The following DOCK1 variants were observed in gnomAD, a reference collection of about 807,000 sequenced individuals.
DOCK1 encodes dedicator of cytokinesis protein 1.
A neutral mutation model predicts 262.7 loss-of-function variants in DOCK1; 138 were observed. That is an observed-to-expected ratio of 0.53 (90% CI 0.46 to 0.61). DOCK1 has a LOEUF of 0.61. Among genes scored for constraint, DOCK1 ranks in the 20% least tolerant of loss-of-function variants. The pLI is 0.00. For synonymous variants in DOCK1, 866 were observed against 867.4 expected (o/e 1.00, Z 0.03); for missense variants, 1,908 against 2,370.7 (o/e 0.80, Z 4.05).
At chr10:127,154,988 T>C (rs1278125042) in intron 27 of DOCK1, among the ~76,000 whole-genome samples, 1 of 152,188 alleles carries the variant, frequency 6.6e-6, no homozygotes, top group Non-Finnish European at 1.5e-5. Flanking sequence ...TGCAGATGTG[T>C]ATTTTCTGGA....
At chr10:127,364,868 CTCTT>C (rs2064812933) in intron 33 of DOCK1, among the ~76,000 whole-genome samples, 1 of 151,796 alleles carries the variant, frequency 6.6e-6, no homozygotes, top group Non-Finnish European at 1.5e-5. Context: ...CCCGTTCTCT[CTCTT>C]TTTTTCCATG....
chr10:127,194,836 C>T (rs1248908246), intron 27 of DOCK1, among the ~76,000 whole-genome samples: 2 of 152,224 alleles, frequency 1.3e-5, no homozygotes, highest in African/African-American at 4.8e-5. Context: ...CATTCCCACT[C>T]TTGCAGTTTC....
chr10:127,063,105 A>G (rs567485373), intron 23 of DOCK1, among the ~76,000 whole-genome samples: 14 of 152,302 alleles, frequency 9.2e-5, no homozygotes, highest in African/African-American at 1.7e-4. Context: ...ACAACTTGCA[A>G]TTTGCTGCCT....
At position 127,418,428 on chromosome 10, in the gene DOCK1, A is replaced by G; in HGVS notation, c.4579A>G (p.Ser1527Gly). ...GCAGCTGACGAACGACAAGATCAACAGCATGGTGCAGCAGCACCTGGATGA... is the reference window on the plus strand; with the variant it reads ...GCAGCTGACGAACGACAAGATCAACGGCATGGTGCAGCAGCACCTGGATGA... ...TMQLTNDKIN[S>G]MVQQHLDDPS... Residue 1527 changes from serine to glycine, a missense_variant, in exon 45 of 52, where the codon AGC (serine) becomes GGC (glycine). Ser to Gly is a moderately conservative substitution (Grantham distance 56). Transcript: ENST00000623213. The G allele has an allele frequency of 6.2e-7, 1 of 1,614,002 alleles. No homozygotes were observed. The highest frequency in any genetic ancestry group is 8.5e-7 in the Non-Finnish European group (1 of 1,179,966).
chr10:127,020,165 G>A (rs186886475), intron 13 of DOCK1, among the ~76,000 whole-genome samples: 129 of 152,322 alleles, frequency 8.5e-4, no homozygotes, highest in Admixed American at 1.6e-3. Flanking sequence ...GCTATTGCTT[G>A]TGTGTGTCCA....
intron 33 of DOCK1, among the ~76,000 whole-genome samples, chr10:127,369,643 A>G (rs1174997462): frequency 1.3e-5 from 2 of 152,232 alleles, no homozygotes; most frequent in Non-Finnish European, 2.9e-5. Flanking sequence ...ATGGCCTGCG[A>G]TGCAGCCATG....
At chr10:127,400,998 G>A (rs1307220200) in intron 38 of DOCK1, among the ~76,000 whole-genome samples, 1 of 152,090 alleles carries the variant, frequency 6.6e-6, no homozygotes, top group East Asian at 1.9e-4. Flanking sequence ...CTTCACTATC[G>A]TAGATGAGCC....
intron 31 of DOCK1, among the ~76,000 whole-genome samples, chr10:127,348,329 G>C (rs1457520324): frequency 6.6e-6 from 1 of 152,082 alleles, no homozygotes; most frequent in Admixed American, 6.6e-5. Context: ...TTATTGGGGT[G>C]CAGGAAATAT....
In DOCK1 at chr10:127,451,597, T is replaced by C; in HGVS notation, c.*170T>C. 1.4e-6 allele frequency: 2 copies of C among 1,449,888 alleles called. No individual in the cohort carries two copies. Among genetic ancestry groups the C allele is most frequent in the South Asian group, 1.4e-5 (1 of 72,660 alleles). The allele number at this position is 1,449,888 out of a possible 1,614,324, so 89.8% of individuals were successfully genotyped here. A position where few individuals can be genotyped will look rare whatever the true frequency, so the allele number is the denominator to read the frequency against. ...TTCTCACCATGGAGTGAGTGGCCTT[T>C]AGCGTCATGGAGCAAGGTGGGTCTG... On this transcript the variant is annotated 3_prime_UTR_variant, in exon 52 of 52. Transcript: ENST00000623213.
rs528285752 is a variant in DOCK1, at chr10:126,988,644, T to TA, written c.324+1028dup. Among the ~76,000 whole-genome samples, 25 of 152,328 alleles carry TA rather than the reference T, an allele frequency of 1.6e-4. No individual in the cohort carries two copies. In the South Asian group the frequency reaches 5.2e-3, roughly 32 times the overall value. ...AGTTGATGCTCATAGTCAGTGGACCTACTTAAGTCTGTAACCCTAGAGTAG... is the reference window on the plus strand; with the variant it reads ...AGTTGATGCTCATAGTCAGTGGACCTAACTTAAGTCTGTAACCCTAGAGTAG... On this transcript the variant is annotated intron_variant, in intron 5 of 51. Coordinates refer to ENST00000623213, the MANE Select transcript of DOCK1 (RefSeq NM_001290223.2).
chr10:126,935,756 C>A (rs2034519898), intron 1 of DOCK1, among the ~76,000 whole-genome samples: 1 of 152,234 alleles, frequency 6.6e-6, no homozygotes, highest in African/African-American at 2.4e-5. Flanking sequence ...TGAATACTGC[C>A]TTGGGATCGC....
At chr10:127,225,592 G>T (rs2058605220) in intron 27 of DOCK1, among the ~76,000 whole-genome samples, 1 of 152,194 alleles carries the variant, frequency 6.6e-6, no homozygotes, top group African/African-American at 2.4e-5. Context: ...CCAGACTGAA[G>T]GATTTCTAGC....
chr10:127,215,914 C>T (rs2058189186), intron 27 of DOCK1, among the ~76,000 whole-genome samples: 1 of 151,944 alleles, frequency 6.6e-6, no homozygotes, highest in African/African-American at 2.4e-5. Context: ...TACTAAGTAC[C>T]TTCAGCCAAA....
At chr10:126,931,250 G>T (rs1431325797) in intron 1 of DOCK1, among the ~76,000 whole-genome samples, 3 of 152,136 alleles carry the variant, frequency 2.0e-5, no homozygotes, top group Non-Finnish European at 4.4e-5. Context: ...AGAAGCCAGG[G>T]GGAGAAGTCC....
chr10:127,068,446 C>T (rs1444093540), intron 23 of DOCK1, among the ~76,000 whole-genome samples: 1 of 151,822 alleles, frequency 6.6e-6, no homozygotes, highest in Non-Finnish European at 1.5e-5. Flanking sequence ...ACCTCTCCTA[C>T]AGCAGCTCCT....
intron 28 of DOCK1, among the ~76,000 whole-genome samples, chr10:127,253,454 G>T (rs1590135844): frequency 6.6e-6 from 1 of 152,238 alleles, no homozygotes; most frequent in Admixed American, 6.5e-5. Context: ...CATCTACCTG[G>T]AGTTAGCATC....
chr10:127,252,276 C>G (rs1438702328), intron 28 of DOCK1, among the ~76,000 whole-genome samples: 36 of 149,490 alleles, frequency 2.4e-4, no homozygotes, highest in East Asian at 1.2e-3. Flanking sequence ...ATTGTAGATT[C>G]TGGATATTAG....
intron 1 of DOCK1, among the ~76,000 whole-genome samples, chr10:126,960,336 G>A (rs1260241202): frequency 6.6e-6 from 1 of 151,982 alleles, no homozygotes; most frequent in Admixed American, 6.5e-5. Context: ...TGGCACAGGA[G>A]GCTAGAGGAG....
chr10:126,997,614 C>G (rs1378608198), intron 7 of DOCK1, among the ~76,000 whole-genome samples: 1 of 151,982 alleles, frequency 6.6e-6, no homozygotes, highest in Non-Finnish European at 1.5e-5. Context: ...ACCCCATGAT[C>G]CAGTCACCTC....
Sources: allele counts gnomAD v4.1 joint callset (sites outside exome capture counted in the v4.1 genomes callset), GRCh38; gene constraint gnomAD v4.1.1; transcripts MANE v1.5; gene names NCBI Gene and HGNC (gene_info 2026-07-23, HGNC 2026-07-21).